The following TBCEL variants were observed in gnomAD, a reference collection of about 807,000 sequenced individuals.
TBCEL encodes tubulin folding cofactor E like.
Under a neutral mutation model 44.2 loss-of-function variants are expected in TBCEL, and 15 were observed. The ratio of observed to expected loss-of-function variants is 0.34; its 90% CI spans 0.23 to 0.52. The LOEUF is 0.52. Ranked by LOEUF, TBCEL falls within the 20% of genes least tolerant of loss-of-function variation. TBCEL has a pLI of 0.95. For synonymous variants in TBCEL, 171 were observed against 185.4 expected, an observed-to-expected ratio of 0.92 and a Z score of 0.63; for missense variants, 319 against 506.3, an observed-to-expected ratio of 0.63 and a Z score of 3.55.
chr11:121,039,043 T>G (rs1426518701), intron 2 of TBCEL, among the ~76,000 whole-genome samples: 3 of 152,238 alleles, frequency 2.0e-5, no homozygotes, highest in African/African-American at 7.2e-5. Context: ...CTCTAGTCAC[T>G]GTAATCTCTC....
At position 121,045,730 on chromosome 11, in the gene TBCEL, T is replaced by C; in HGVS notation, c.40T>C (p.Cys14Arg). ...TGGAAGAAGTTTCATGCAAGTATTA[T>C]GTGAAAAATATAGTCCTGAAAATTT... ...PSGRSFMQVL[C>R]EKYSPENFPY... Residue 14 changes from cysteine (C) to arginine (R), a missense_variant, in exon 3 of 9, where the codon TGT (cysteine) becomes CGT (arginine). By Grantham distance (180) the Cys-to-Arg change is radical. Transcript: ENST00000683345. 3.7e-6 allele frequency: 6 copies of C among 1,609,766 alleles called. No homozygotes were observed. Among genetic ancestry groups the C allele is most frequent in the East Asian group, 2.2e-5 (1 of 44,788 alleles).
At chr11:121,071,503 C>T (rs940412393) in intron 8 of TBCEL, among the ~76,000 whole-genome samples, 1 of 152,130 alleles carries the variant, frequency 6.6e-6, no homozygotes, top group Non-Finnish European at 1.5e-5. Context: ...TTGTCAGAGA[C>T]GGTGGCAATG....
In TBCEL at chr11:121,053,349, A is replaced by G. The variant is rs553132616; in HGVS notation, c.274-202A>G. On this transcript the variant is annotated intron_variant, in intron 4 of 8. Coordinates refer to ENST00000683345, the MANE Select transcript of TBCEL (RefSeq NM_001363644.2). Reference sequence around the variant, plus strand: ...TTATGTACCAGTCAGTTATGCCACTATTTCATTGAAAGATTAAATTATTTG... The same window carrying G: ...TTATGTACCAGTCAGTTATGCCACTGTTTCATTGAAAGATTAAATTATTTG... Among the ~76,000 whole-genome samples the G allele has an allele frequency of 1.1e-4, 16 of 151,996 alleles. No homozygotes were observed. The East Asian group carries it at 1.6e-3, about 15-fold the overall frequency.
At chr11:121,038,374 T>A (rs1388246077) in intron 2 of TBCEL, among the ~76,000 whole-genome samples, 2 of 152,218 alleles carry the variant, frequency 1.3e-5, no homozygotes, top group Admixed American at 6.5e-5. Flanking sequence ...CATATACATA[T>A]GCTTTTCCAG....
chr11:121,024,105 TCCGGGTCAATGCAGGACA>T lies in TBCEL; in HGVS notation c.-310_-293del, dbSNP rs1350530285. The T allele has an allele frequency of 2.6e-5, 4 of 152,880 alleles. No individual in the cohort carries two copies. The highest frequency in any genetic ancestry group is 9.6e-5 in the African/African-American group (4 of 41,458). 9.5% of individuals were successfully genotyped at this position (152,880 alleles called of 1,614,324 possible). A position where few individuals can be genotyped will look rare whatever the true frequency, so the allele number is the denominator to read the frequency against. On this transcript the variant is annotated 5_prime_UTR_variant, in exon 1 of 9. The change abolishes an upstream ATG in the 5' untranslated region. Transcript: ENST00000683345. ...TTGTTGTTGGGCCGGGAAAGCTGCTTCCGGGTCAATGCAGGACACTGGGCTCCGGCGGCCAGAGTGGGG... is the reference window on the plus strand; with the variant it reads ...TTGTTGTTGGGCCGGGAAAGCTGCTTCTGGGCTCCGGCGGCCAGAGTGGGG...
intron 4 of TBCEL, 127 bp downstream of exon 4, chr11:121,047,794 A>G (rs1945456400): frequency 2.5e-6 from 3 of 1,189,678 alleles, no homozygotes; most frequent in Non-Finnish European, 3.5e-6. Flanking sequence ...TGTTGTCTGT[A>G]TATCTTATTG....
chr11:121,072,052 G>C (rs1945944023), intron 8 of TBCEL, among the ~76,000 whole-genome samples: 1 of 152,158 alleles, frequency 6.6e-6, no homozygotes, highest in African/African-American at 2.4e-5. Flanking sequence ...TCTCCTTCGT[G>C]CACCATGGAG....
chr11:121,075,595 A>T (rs1257304127), intron 8 of TBCEL, among the ~76,000 whole-genome samples: 1 of 151,952 alleles, frequency 6.6e-6, no homozygotes, highest in African/African-American at 2.4e-5. Flanking sequence ...TTAGTATGTG[A>T]GATCTTCCAG....
chr11:121,069,620 A>G (rs1945887536), intron 8 of TBCEL, among the ~76,000 whole-genome samples: 2 of 152,006 alleles, frequency 1.3e-5, no homozygotes, highest in Non-Finnish European at 2.9e-5. Flanking sequence ...GTGAAACCCC[A>G]TTTCTACTAA....
chr11:121,034,719 T>C (rs1023286763), intron 1 of TBCEL, among the ~76,000 whole-genome samples: 1 of 152,130 alleles, frequency 6.6e-6, no homozygotes, highest in African/African-American at 2.4e-5. Flanking sequence ...GAAAGTTACA[T>C]TGCAACACAT....
intron 7 of TBCEL, among the ~76,000 whole-genome samples, 158 bp from the exon 8 acceptor site, chr11:121,059,811 G>A (rs1336708982): frequency 6.6e-6 from 1 of 151,848 alleles, no homozygotes; most frequent in Non-Finnish European, 1.5e-5. Flanking sequence ...TTTCGGTTTA[G>A]ACCACTTTAG....
chr11:121,051,448 TCCCC>T lies in TBCEL; in HGVS notation c.274-2101_274-2098del, dbSNP rs199946825. ...TGCTTTAGTTGGAGCATAATTCCTGTCCCCCTCCAACCTCCACAAAGAGGTTAAG... is the reference window on the plus strand; with the variant it reads ...TGCTTTAGTTGGAGCATAATTCCTGTCTCCAACCTCCACAAAGAGGTTAAG... On this transcript the variant is annotated intron_variant, in intron 4 of 8. Coordinates refer to ENST00000683345, the MANE Select transcript of TBCEL (RefSeq NM_001363644.2). Among the ~76,000 whole-genome samples the T allele has an allele frequency of 6.3e-3, 962 of 151,838 alleles. 11 individuals are homozygous for T. Among genetic ancestry groups the T allele is most frequent in the African/African-American group, 0.022 (919 of 41,482 alleles).
intron 1 of TBCEL, among the ~76,000 whole-genome samples, chr11:121,033,828 T>C (rs1945184751): frequency 6.6e-6 from 1 of 151,540 alleles, no homozygotes; most frequent in Non-Finnish European, 1.5e-5. Context: ...GCCCTCTGGC[T>C]CCTGACAATC....
chr11:121,053,597 T>G lies in TBCEL; in HGVS notation c.320T>G (p.Leu107Arg). 3 of 1,612,352 alleles carry G rather than the reference T, an allele frequency of 1.9e-6. No homozygotes were observed. The highest frequency in any genetic ancestry group is 2.5e-6 in the Non-Finnish European group (3 of 1,178,922). ...SNVPQLEFLN[L>R]SSNPLNLSVL... ...GTTCCTCAGTTGGAGTTTCTAAACC[T>G]GAGTTCCAACCCTCTGAATTTGTCG... The change falls in exon 5 of 9, where the codon CTG (leucine) becomes CGG (arginine). Residue 107 changes from leucine to arginine, a missense_variant. Transcript: ENST00000683345.
intron 8 of TBCEL, among the ~76,000 whole-genome samples, chr11:121,084,014 A>G (rs1285640582): frequency 6.6e-6 from 1 of 152,236 alleles, no homozygotes; most frequent in African/African-American, 2.4e-5. Context: ...AGGAGGAATG[A>G]CAAGAGAGCA....
At chr11:121,062,706 A>C (rs1173532744) in intron 8 of TBCEL, among the ~76,000 whole-genome samples, 1 of 152,180 alleles carries the variant, frequency 6.6e-6, no homozygotes, top group Non-Finnish European at 1.5e-5. Context: ...AACTTTATTC[A>C]GGAAAGGAAT....
intron 1 of TBCEL, among the ~76,000 whole-genome samples, chr11:121,033,932 T>C (rs377169242): frequency 7.6e-6 from 1 of 131,576 alleles, no homozygotes; most frequent in Non-Finnish European, 1.8e-5. Flanking sequence ...TTTAGCATCA[T>C]GTCTTCAAGG....
rs1945660482 is a variant in TBCEL at position 121,058,433 on chromosome 11, A to G, written c.801A>G (p.Pro267=). Reference sequence around the variant, plus strand: ...TGTTAGGAATTCCTCTTCTGCAGCCATATACCACCGAGGAGCGAAGGAAAT... The same window carrying G: ...TGTTAGGAATTCCTCTTCTGCAGCCGTATACCACCGAGGAGCGAAGGAAAT... ...VRLLGIPLLQ[P]YTTEERRKLV... is the part of the protein sequence containing the mutation. Residue 267 remains proline, a synonymous_variant, in exon 7 of 9, where the codon CCA becomes CCG. Transcript: ENST00000683345. The G allele has an allele frequency of 1.2e-6, 2 of 1,611,982 alleles. No individual in the cohort carries two copies. Among genetic ancestry groups the G allele is most frequent in the South Asian group, 1.1e-5 (1 of 91,038 alleles).
intron 1 of TBCEL, among the ~76,000 whole-genome samples, chr11:121,034,843 C>G (rs1326872924): frequency 6.6e-6 from 1 of 152,056 alleles, no homozygotes; most frequent in Admixed American, 6.5e-5. Context: ...GGAAACATCG[C>G]TATAGGGAGA....
Sources: allele counts gnomAD v4.1 joint callset (sites outside exome capture counted in the v4.1 genomes callset), GRCh38; gene constraint gnomAD v4.1.1; transcripts MANE v1.5; gene names NCBI Gene and HGNC (gene_info 2026-07-23, HGNC 2026-07-21).